The following DGKH variants were observed in gnomAD, a reference collection of about 807,000 sequenced individuals.
DGKH encodes diacylglycerol kinase eta.
A neutral mutation model predicts 159.3 loss-of-function variants in DGKH; 90 were observed. The ratio of observed to expected loss-of-function variants is 0.57; its 90% CI spans 0.48 to 0.67. The LOEUF (loss-of-function observed/expected upper bound fraction) is 0.67. Among genes scored for constraint, DGKH ranks in the 30% least tolerant of loss-of-function variants. The pLI is 0.00. For missense variants in DGKH, 1,181 were observed against 1,506.1 expected (o/e 0.78, Z 3.57); for synonymous variants, 536 against 553.8 (o/e 0.97, Z 0.45).
At chr13:42,185,158 AT>A (rs1433081324) in intron 13 of DGKH, among the ~76,000 whole-genome samples, 3 of 152,060 alleles carry the variant, frequency 2.0e-5, no homozygotes, top group Non-Finnish European at 4.4e-5. Context: ...TATATATTTT[AT>A]TTCTGTTTTA....
intron 5 of DGKH, 141 bp downstream of exon 5, chr13:42,155,940 C>T: frequency 3.1e-6 from 3 of 954,092 alleles, no homozygotes; most frequent in Non-Finnish European, 4.4e-6. Context: ...GAAAAAAAAA[C>T]ATAGTCATTT....
At chr13:42,212,943 A>G (rs1034338285) in intron 24 of DGKH, among the ~76,000 whole-genome samples, 1 of 152,202 alleles carries the variant, frequency 6.6e-6, no homozygotes, top group African/African-American at 2.4e-5. Context: ...CATGGGAACC[A>G]GCTTAGGAAG....
intron 1 of DGKH, among the ~76,000 whole-genome samples, chr13:42,075,384 AGT>A (rs1174613109): frequency 1.3e-5 from 2 of 152,242 alleles, no homozygotes; most frequent in Non-Finnish European, 2.9e-5. Context: ...TCATCATGAA[AGT>A]GTGTCTCTTG....
At chr13:42,201,153 C>T (rs193034140) in intron 20 of DGKH, among the ~76,000 whole-genome samples, 209 of 152,094 alleles carry the variant, frequency 1.4e-3, no homozygotes, top group African/African-American at 4.4e-3. Flanking sequence ...CCACCACGCC[C>T]AGCTAATTTT....
Position 42,255,873 on chromosome 13 carries a change from A to T in DGKH, n.4128-411A>T, listed in dbSNP as rs150964206. The T allele has an allele frequency of 8.1e-5, 89 of 1,102,516 alleles. No homozygotes were observed. The African/African-American group carries it at 1.3e-3, about 16-fold the overall frequency. 68.3% of individuals were successfully genotyped at this position (1,102,516 alleles called of 1,614,324 possible). A position where few individuals can be genotyped will look rare whatever the true frequency, so the allele number is the denominator to read the frequency against. ...TTATCTTCAAAAAAGAGACTGATAG[A>T]GAAGGTTGCTGCAAAATTGGCTGCA... is the stretch of plus-strand genomic sequence containing the variant. On this transcript the variant is annotated intron_variant and non_coding_transcript_variant, in intron 30 of 30. Coordinates refer to the DGKH transcript ENST00000498255.
At chr13:42,228,069 A>G (rs1012993610) in intron 29 of DGKH, among the ~76,000 whole-genome samples, 2 of 152,114 alleles carry the variant, frequency 1.3e-5, no homozygotes, top group Non-Finnish European at 2.9e-5. Flanking sequence ...TAAAGAAACT[A>G]GGATTTGGAG....
At chr13:42,205,752 G>A (rs1254038038) in intron 20 of DGKH, among the ~76,000 whole-genome samples, 2 of 152,076 alleles carry the variant, frequency 1.3e-5, no homozygotes, top group African/African-American at 2.4e-5. Flanking sequence ...GTACATAAAA[G>A]GCCTGAAAAT....
At chr13:42,228,707 G>T (rs200538496) in intron 29 of DGKH, among the ~76,000 whole-genome samples, 1 of 6,560 alleles carries the variant, frequency 1.5e-4, no homozygotes, top group Non-Finnish European at 3.7e-4. Context: ...ATGAAATAAA[G>T]AAAGAAAGAA....
chr13:42,119,993 C>T (rs1955037778), intron 1 of DGKH, among the ~76,000 whole-genome samples: 1 of 152,072 alleles, frequency 6.6e-6, no homozygotes, highest in Admixed American at 6.6e-5. Flanking sequence ...GTTATATTTT[C>T]CCCATATTAT....
chr13:42,087,145 T>C (rs1954324350), intron 1 of DGKH, among the ~76,000 whole-genome samples: 1 of 151,516 alleles, frequency 6.6e-6, no homozygotes. Flanking sequence ...GTAGTTCATA[T>C]TCCCACTGGA....
chr13:42,131,604 G>A (rs572164052), intron 3 of DGKH, among the ~76,000 whole-genome samples: 11 of 152,238 alleles, frequency 7.2e-5, no homozygotes, highest in Admixed American at 3.3e-4. Context: ...AACTGAACAG[G>A]GACCTATAGA....
chr13:42,044,078 G>A (rs984655021), upstream of DGKH: 3 of 152,068 alleles, frequency 2.0e-5, no homozygotes, highest in African/African-American at 7.2e-5. Context: ...GACTGGCCTT[G>A]AACTCCTGGG....
At chr13:42,070,651 A>T in intron 1 of DGKH, 1 of 1,612,156 alleles carries the variant, frequency 6.2e-7, no homozygotes, top group Non-Finnish European at 8.5e-7. Context: ...TCTGTGCAGT[A>T]CATTTGCAGA....
chr13:42,256,165 G>A (rs1252305644), intron 30 of DGKH: 2 of 1,203,618 alleles, frequency 1.7e-6, no homozygotes, highest in Non-Finnish European at 2.5e-6. Flanking sequence ...CCCAAGTCAT[G>A]GGGAATCATG....
intron 1 of DGKH, among the ~76,000 whole-genome samples, chr13:42,062,889 G>A (rs1269166385): frequency 1.3e-5 from 2 of 151,756 alleles, no homozygotes; most frequent in African/African-American, 2.4e-5. Flanking sequence ...GGTTATCTGC[G>A]TTTTTATTTA....
At chr13:42,215,760 G>C (rs1957775033) in intron 26 of DGKH, 93 bp downstream of exon 26, 3 of 1,117,938 alleles carry the variant, frequency 2.7e-6, no homozygotes, top group Non-Finnish European at 3.9e-6. Flanking sequence ...AGATTCTAAG[G>C]CAGAAGCAGC....
chr13:42,135,008 T>TTA (rs1412575873), intron 3 of DGKH, among the ~76,000 whole-genome samples: 1 of 151,874 alleles, frequency 6.6e-6, no homozygotes, highest in African/African-American at 2.4e-5. Flanking sequence ...TATGACAAAT[T>TTA]TATATATATA....
chr13:42,047,429 A>T (rs545693707), upstream of DGKH, among the ~76,000 whole-genome samples: 3 of 152,336 alleles, frequency 2.0e-5, no homozygotes, highest in South Asian at 2.1e-4. Flanking sequence ...CATAACAGAG[A>T]TTGAATGCTT....
chr13:42,227,082 A>G (rs1281347854), intron 29 of DGKH, among the ~76,000 whole-genome samples: 1 of 152,102 alleles, frequency 6.6e-6, no homozygotes, highest in Non-Finnish European at 1.5e-5. Flanking sequence ...CAGGGAGGGG[A>G]ACAACATACA....
Sources: allele counts gnomAD v4.1 joint callset (sites outside exome capture counted in the v4.1 genomes callset), GRCh38; gene constraint gnomAD v4.1.1; transcripts MANE v1.5; gene names NCBI Gene and HGNC (gene_info 2026-07-23, HGNC 2026-07-21).